PTPRG: variants seen among roughly 807,000 people sequenced by gnomAD.
PTPRG encodes the protein receptor-type tyrosine-protein phosphatase gamma.
PTPRG carries 102 observed loss-of-function variants against 165.3 expected under a neutral mutation model. The observed-to-expected ratio is 0.62, with a 90% CI of 0.53 to 0.73. The LOEUF (loss-of-function observed/expected upper bound fraction) is 0.73. PTPRG is among the 30% of genes least tolerant of loss of function. PTPRG has a pLI of 0.00. For missense variants in PTPRG, 1,866 were observed against 1,861.4 expected, an observed-to-expected ratio of 1.00 and a Z score of -0.05; for synonymous variants, 675 against 669.5, an observed-to-expected ratio of 1.01 and a Z score of -0.13.
intron 2 of PTPRG, among the ~76,000 whole-genome samples, chr3:61,785,926 C>T (rs1243683281): frequency 6.6e-6 from 1 of 152,128 alleles, no homozygotes; most frequent in Non-Finnish European, 1.5e-5. Context: ...TGTTCTTTTC[C>T]TTGGATTCCT....
Position 61,648,763 on chromosome 3 carries a change from G to T in PTPRG, c.85+86391G>T, listed in dbSNP as rs75577896. 3.2e-3 allele frequency among the ~76,000 whole-genome samples: 490 copies of T among 152,280 alleles called. 14 individuals are homozygous for T. In the East Asian group the frequency reaches 0.051, roughly 16 times the overall value. On this transcript the variant is annotated intron_variant, in intron 1 of 29. Coordinates refer to ENST00000474889, the MANE Select transcript of PTPRG (RefSeq NM_002841.4). Reference sequence around the variant, plus strand: ...TTGGAAGAATAATGGCATGTTGCTTGAATGTTTCCCAAGAGAATGTTTTCT... The same window carrying T: ...TTGGAAGAATAATGGCATGTTGCTTTAATGTTTCCCAAGAGAATGTTTTCT...
chr3:62,275,011 C>A (rs1413039800), intron 23 of PTPRG, among the ~76,000 whole-genome samples: 1 of 151,846 alleles, frequency 6.6e-6, no homozygotes, highest in Non-Finnish European at 1.5e-5. Flanking sequence ...AAGAAAAAAA[C>A]AAGAATCAAA....
At chr3:62,163,373 G>A (rs1704843594) in intron 7 of PTPRG, among the ~76,000 whole-genome samples, 1 of 151,892 alleles carries the variant, frequency 6.6e-6, no homozygotes, top group South Asian at 2.1e-4. Context: ...TTAAGTGAGA[G>A]AAAGCACATA....
intron 4 of PTPRG, among the ~76,000 whole-genome samples, chr3:62,021,877 G>A (rs1243331692): frequency 2.0e-4 from 9 of 44,174 alleles, no homozygotes; most frequent in Non-Finnish European, 3.6e-4. Flanking sequence ...TTTTTTTTTT[G>A]CATTCCATGT....
rs1701067071 is a variant in PTPRG, at chr3:62,237,847, C to A, written c.2376-5960C>A. Among the ~76,000 whole-genome samples, 1 of 152,166 alleles carries A rather than the reference C, an allele frequency of 6.6e-6. No homozygotes were observed. The highest frequency in any genetic ancestry group is 6.5e-5 in the Admixed American group (1 of 15,280). On this transcript the variant is annotated intron_variant, in intron 14 of 29. Coordinates refer to ENST00000474889, the MANE Select transcript of PTPRG (RefSeq NM_002841.4). The surrounding 1 kb of genome is among the most constrained non-coding windows in gnomAD (Gnocchi z 4.5). ...TAACCAGATGCCATACAGATTTGAT[C>A]AGCTACTATCACACATTACCCTCTG...
intron 27 of PTPRG, 120 bp from the exon 28 acceptor site, chr3:62,282,607 A>AAC (rs1702495771): frequency 1.0e-6 from 1 of 971,928 alleles, no homozygotes; most frequent in Admixed American, 3.0e-5. Context: ...TGGTTTGGTT[A>AAC]ACACAACATT....
intron 1 of PTPRG, among the ~76,000 whole-genome samples, chr3:61,612,033 C>G (rs2106874789): frequency 6.6e-6 from 1 of 152,236 alleles, no homozygotes; most frequent in Admixed American, 6.5e-5. Flanking sequence ...ACCTCCGCCT[C>G]CCGGGTTCAA....
intron 1 of PTPRG, among the ~76,000 whole-genome samples, chr3:61,607,839 A>G (rs1701056216): frequency 6.6e-6 from 1 of 152,046 alleles, no homozygotes; most frequent in African/African-American, 2.4e-5. Flanking sequence ...AGCCACAGCG[A>G]GGGGCTGGAC....
intron 5 of PTPRG, among the ~76,000 whole-genome samples, chr3:62,128,225 G>GA (rs1559542562): frequency 1.3e-5 from 2 of 152,194 alleles, no homozygotes; most frequent in Admixed American, 1.3e-4. Flanking sequence ...ACTCTGCAGG[G>GA]AAAGGGGGTG....
At chr3:62,199,922 A>G (rs552920258) in intron 10 of PTPRG, among the ~76,000 whole-genome samples, 2 of 152,338 alleles carry the variant, frequency 1.3e-5, no homozygotes, top group Middle Eastern at 3.4e-3. Context: ...TTCACCCTCA[A>G]AAAGGAAGGG....
chr3:61,639,143 A>G (rs780845285), intron 1 of PTPRG, among the ~76,000 whole-genome samples: 65 of 152,180 alleles, frequency 4.3e-4, no homozygotes, highest in Non-Finnish European at 8.2e-4. Flanking sequence ...CAGTTATCCC[A>G]GTATCATTAA....
At chr3:62,285,067 T>TATCA (rs1470539097) in intron 28 of PTPRG, among the ~76,000 whole-genome samples, 1 of 152,086 alleles carries the variant, frequency 6.6e-6, no homozygotes, top group Non-Finnish European at 1.5e-5. Flanking sequence ...CATTCCTGCT[T>TATCA]ATCATGTCAC....
intron 28 of PTPRG, among the ~76,000 whole-genome samples, chr3:62,290,939 A>C (rs372944054): frequency 2.0e-5 from 3 of 152,188 alleles, no homozygotes; most frequent in Middle Eastern, 3.2e-3. Context: ...GTACTTCCGT[A>C]TAACAAAATG....
intron 4 of PTPRG, among the ~76,000 whole-genome samples, chr3:62,067,885 C>T (rs1040013570): frequency 2.0e-5 from 3 of 152,150 alleles, no homozygotes; most frequent in Admixed American, 2.0e-4. Context: ...TGTCTCTAGA[C>T]ATGGCCATAT....
At chr3:62,094,882 T>C (rs754648296) in intron 5 of PTPRG, among the ~76,000 whole-genome samples, 9 of 152,218 alleles carry the variant, frequency 5.9e-5, no homozygotes, top group Non-Finnish European at 1.3e-4. Context: ...CAAGAGGCAC[T>C]TGCAGATATT....
intron 4 of PTPRG, among the ~76,000 whole-genome samples, chr3:62,032,481 G>C (rs1006298849): frequency 2.0e-5 from 3 of 152,192 alleles, no homozygotes; most frequent in Non-Finnish European, 4.4e-5. Flanking sequence ...CAACTCAGTA[G>C]AGCCTTTGTG....
intron 28 of PTPRG, among the ~76,000 whole-genome samples, chr3:62,287,769 T>C (rs1702725139): frequency 6.6e-6 from 1 of 152,204 alleles, no homozygotes; most frequent in South Asian, 2.1e-4. Flanking sequence ...AAGCGTGATC[T>C]AATAGTGATA....
intron 4 of PTPRG, among the ~76,000 whole-genome samples, chr3:62,023,095 A>C (rs1438576135): frequency 6.6e-6 from 1 of 152,142 alleles, no homozygotes; most frequent in Non-Finnish European, 1.5e-5. Context: ...TTATGACTAA[A>C]TTACTTGTTC....
At chr3:61,601,443 C>T (rs971317608) in intron 1 of PTPRG, among the ~76,000 whole-genome samples, 4 of 152,182 alleles carry the variant, frequency 2.6e-5, no homozygotes, top group South Asian at 4.1e-4. Context: ...GTTTTATTAT[C>T]TAGAGGAAAA....
Sources: gnomAD v4.1 joint callset for allele counts (sites outside exome capture counted in the v4.1 genomes callset) on GRCh38, gnomAD v4.1.1 for gene constraint, Gnocchi (gnomAD v3.1) non-coding constraint, MANE v1.5 for transcripts, NCBI Gene and HGNC (gene_info 2026-07-23, HGNC 2026-07-21) for gene names.